The following ITIH1 variants were observed in gnomAD, a reference collection of about 807,000 sequenced individuals.
ITIH1 encodes the protein inter-alpha-trypsin inhibitor heavy chain 1.
ITIH1 carries 94 observed loss-of-function variants against 104.6 expected under a neutral mutation model. The observed-to-expected ratio is 0.90, with a 90% CI of 0.76 to 1.07. The LOEUF is 1.07. ITIH1 is among the 50% of genes least tolerant of loss of function. The pLI is 0.00. For synonymous variants in ITIH1, 455 were observed against 464.4 expected, an observed-to-expected ratio of 0.98 and a Z score of 0.26; for missense variants, 1,193 against 1,181.4, an observed-to-expected ratio of 1.01 and a Z score of -0.14.
chr3:52,778,020 G>A lies in ITIH1; in HGVS notation c.138+3G>A. On this transcript the variant is annotated splice_donor_region_variant and intron_variant, in intron 2 of 21. Coordinates refer to ENST00000273283, the MANE Select transcript of ITIH1 (RefSeq NM_002215.4). The stretch of plus-strand genomic sequence containing the variant: ...AGAAGCGACAGGCTGTGGACACCGT[G>A]AGTAAGAGTCCTGGCAAAGGGGTCT... 2 of 1,614,232 alleles carry A rather than the reference G, an allele frequency of 1.2e-6. No individual in the cohort carries two copies. Among genetic ancestry groups the A allele is most frequent in the Non-Finnish European group, 1.7e-6 (2 of 1,180,032 alleles).
Position 52,790,925 on chromosome 3 carries a change from C to T in ITIH1, c.2494+4C>T, listed in dbSNP as rs779543784. On this transcript the variant is annotated splice_donor_region_variant and intron_variant, in intron 20 of 21. Coordinates refer to ENST00000273283, the MANE Select transcript of ITIH1 (RefSeq NM_002215.4). ...GCCCGGACGCACGGGCTGCTGGGTACGGCTGGCCAGGCTGGCAGGGCTGTG... is the reference window on the plus strand; with the variant it reads ...GCCCGGACGCACGGGCTGCTGGGTATGGCTGGCCAGGCTGGCAGGGCTGTG... The T allele has an allele frequency of 2.0e-5, 32 of 1,592,606 alleles. No homozygotes were observed. The highest frequency in any genetic ancestry group is 1.1e-4 in the Admixed American group (6 of 54,128).
intron 20 of ITIH1, 111 bp downstream of exon 20, chr3:52,791,032 C>G: frequency 8.9e-7 from 1 of 1,128,118 alleles, no homozygotes; most frequent in Non-Finnish European, 1.2e-6. Flanking sequence ...ACAGGCCCAC[C>G]TCCAGTGTGG....
chr3:52,787,536 C>T (rs370758132), intron 15 of ITIH1, 56 bp from the exon 16 acceptor site: 14 of 1,606,964 alleles, frequency 8.7e-6, no homozygotes, highest in Admixed American at 1.7e-5. Context: ...GCATGCCTTT[C>T]GTGTGGGGCA....
At position 52,777,946 on chromosome 3, in the gene ITIH1, G is replaced by A. The variant is rs770072313; in HGVS notation, c.118-51G>A. 9.9e-6 allele frequency: 16 copies of A among 1,611,574 alleles called. No homozygotes were observed. The Admixed American group carries it at 1.5e-4, about 15-fold the overall frequency. On this transcript the variant is annotated intron_variant, in intron 1 of 21. Transcript: ENST00000273283. ...ACTCCCATCCCTGAACTGGCAGGCCGGTGGTCCCCTGAGTTTTCCTCTCAC... is the reference window on the plus strand; with the variant it reads ...ACTCCCATCCCTGAACTGGCAGGCCAGTGGTCCCCTGAGTTTTCCTCTCAC...
At chr3:52,781,212 TTC>T (rs1559461272) in intron 6 of ITIH1, among the ~76,000 whole-genome samples, 200 of 13,904 alleles carry the variant, frequency 0.014, 9 homozygotes, top group African/African-American at 0.024. Context: ...TTTTTTTTTC[TTC>T]TTCTTCTTCT....
Position 52,784,364 on chromosome 3 carries a change from A to G in ITIH1, c.1294A>G (p.Asn432Asp), listed in dbSNP as rs1424177667. ...NAIRGRFPLYNLGFGHNVDFN... is the reference protein window; with the variant it reads ...NAIRGRFPLYDLGFGHNVDFN... The stretch of plus-strand genomic sequence containing the variant: ...CATCCGGGGCAGGTTCCCGCTCTAC[A>G]ACCTGGGTTTCGGCCACAATGTGGA... Residue 432 changes from asparagine to aspartate, a missense_variant, in exon 11 of 22, where the codon AAC (asparagine) becomes GAC (aspartate). By Grantham distance (23) the Asn-to-Asp change is conservative (BLOSUM62 1). Coordinates refer to ENST00000273283, the MANE Select transcript of ITIH1 (RefSeq NM_002215.4). The G allele has an allele frequency of 5.6e-6, 9 of 1,614,028 alleles. No individual in the cohort carries two copies. Among genetic ancestry groups the G allele is most frequent in the East Asian group, 4.5e-5 (2 of 44,892 alleles).
chr3:52,786,678 G>T (rs1175141692), intron 13 of ITIH1, among the ~76,000 whole-genome samples: 3 of 152,194 alleles, frequency 2.0e-5, no homozygotes, highest in Non-Finnish European at 4.4e-5. Flanking sequence ...TAGACCTCTT[G>T]ACCCAGATCT....
chr3:52,782,079 T>C lies in ITIH1; in HGVS notation c.813+14T>C. The C allele has an allele frequency of 6.2e-7, 1 of 1,614,140 alleles. No homozygotes were observed. On this transcript the variant is annotated intron_variant, in intron 7 of 21. Coordinates refer to ENST00000273283, the MANE Select transcript of ITIH1 (RefSeq NM_002215.4). ...TGCGACCTCCTGGTGAGCCCTGAGC[T>C]TCTGGCTCAGCACCCAGAGGATGGG...
chr3:52,783,452 C>T, intron 10 of ITIH1, 113 bp downstream of exon 10: 1 of 1,210,056 alleles, frequency 8.3e-7, no homozygotes. Flanking sequence ...CAGAAAAGCT[C>T]AGGGCAAAAT....
Position 52,780,269 on chromosome 3 carries a change from A to G in ITIH1, c.574A>G (p.Ile192Val). The G allele has an allele frequency of 1.2e-6, 2 of 1,606,044 alleles. No individual in the cohort carries two copies. The highest frequency in any genetic ancestry group is 1.7e-6 in the Non-Finnish European group (2 of 1,174,604). ...KPKQLVHHFE[I>V]DVDIFEPQGI... ...AAAATAATTTGCTTCAATGTTGCAG[A>G]TTGATGTGGACATCTTCGAGCCCCA... is the stretch of plus-strand genomic sequence containing the variant. The change falls in exon 6 of 22, where the codon ATT (isoleucine) becomes GTT (valine). Residue 192 changes from isoleucine to valine, a missense_variant and splice_region_variant. Coordinates refer to ENST00000273283, the MANE Select transcript of ITIH1 (RefSeq NM_002215.4).
intron 19 of ITIH1, 71 bp downstream of exon 19, chr3:52,789,925 A>G: frequency 6.7e-7 from 1 of 1,485,318 alleles, no homozygotes; most frequent in South Asian, 1.1e-5. Flanking sequence ...CTGAGTCTGC[A>G]GGGCCCTCGT....
Position 52,783,340 on chromosome 3 carries a change from G to T in ITIH1, c.1225+1G>T, listed in dbSNP as rs936404717. 6.2e-7 allele frequency: 1 copy of T among 1,613,646 alleles called. No individual in the cohort carries two copies. Among genetic ancestry groups the T allele is most frequent in the South Asian group, 1.1e-5 (1 of 91,036 alleles). On this transcript the variant is annotated splice_donor_variant, in intron 10 of 21. Coordinates refer to ENST00000273283, the MANE Select transcript of ITIH1 (RefSeq NM_002215.4). LOFTEE classifies it high-confidence loss of function. ...TTGACAGATGGCGATCCCACAGAGG[G>T]TAAGCACCTTGGGGGCTGCCTTGGG...
Position 52,791,767 on chromosome 3 carries a change from C to T in ITIH1, c.2607-15C>T. ...TGGTCCGAAGGGTGACCCCAGCTGA[C>T]TTGTCTCTGCACAGGGGTTTGCAAA... On this transcript the variant is annotated splice_polypyrimidine_tract_variant and intron_variant, in intron 21 of 21. Transcript: ENST00000273283. The T allele has an allele frequency of 3.1e-6, 5 of 1,610,282 alleles. No individual in the cohort carries two copies. Among genetic ancestry groups the T allele is most frequent in the Non-Finnish European group, 4.2e-6 (5 of 1,177,884 alleles).
chr3:52,786,914 G>A, intron 13 of ITIH1, 31 bp from the exon 14 acceptor site: 1 of 1,584,652 alleles, frequency 6.3e-7, no homozygotes. Context: ...TGCAAGTCGG[G>A]GCTTGGAGCC....
chr3:52,787,946 TG>T, intron 16 of ITIH1, 39 bp from the exon 17 acceptor site: 1 of 1,582,508 alleles, frequency 6.3e-7, no homozygotes, highest in Non-Finnish European at 8.7e-7. Context: ...AGGGAAGGCC[TG>T]GCTGCCCCGC....
chr3:52,782,884 T>G, intron 8 of ITIH1, 73 bp from the exon 9 acceptor site: 4 of 1,424,900 alleles, frequency 2.8e-6, no homozygotes, highest in Non-Finnish European at 3.9e-6. Flanking sequence ...GAAATGGGTA[T>G]TTGGAGTTGG....
Position 52,791,556 on chromosome 3 carries a change from T to A in ITIH1, c.2534T>A (p.Ile845Asn). ...FHPIGFEVSDIHPGSDPTKPD... is the reference protein window; with the variant it reads ...FHPIGFEVSDNHPGSDPTKPD... ...CCCATCGGTTTTGAAGTGTCTGACA[T>A]CCACCCAGGCTCTGACCCCACAAAG... is the stretch of plus-strand genomic sequence containing the variant. Residue 845 changes from isoleucine to asparagine, a missense_variant, in exon 21 of 22, where the codon ATC (isoleucine) becomes AAC (asparagine). Ile to Asn is a moderately radical substitution (Grantham distance 149). Transcript: ENST00000273283. 1 of 1,614,104 alleles carries A rather than the reference T, an allele frequency of 6.2e-7. No homozygotes were observed. Among genetic ancestry groups the A allele is most frequent in the Non-Finnish European group, 8.5e-7 (1 of 1,180,012 alleles).
Position 52,782,243 on chromosome 3 carries a change from C to T in ITIH1, c.906C>T (p.Ser302=). The T allele has an allele frequency of 6.2e-7, 1 of 1,614,082 alleles. No homozygotes were observed. The highest frequency in any genetic ancestry group is 8.5e-7 in the Non-Finnish European group (1 of 1,179,932). The change falls in exon 8 of 22, where the codon TCC becomes TCT. Residue 302 remains serine, a synonymous_variant. Transcript: ENST00000273283. The part of the protein sequence containing the change: ...NVVFVIDISG[S]MRGQKVKQTK... Reference sequence around the variant, plus strand: ...TTTTTGTGATTGACATCAGTGGCTCCATGAGAGGCCAGAAAGTGAAGCAGG... The same window carrying T: ...TTTTTGTGATTGACATCAGTGGCTCTATGAGAGGCCAGAAAGTGAAGCAGG...
rs1416448369 is a variant in ITIH1, at chr3:52,787,104, A to C, written c.1888+5A>C. On this transcript the variant is annotated splice_donor_5th_base_variant and intron_variant, in intron 14 of 21. Transcript: ENST00000273283. Reference sequence around the variant, plus strand: ...CCATCGACAAGCCCTCAGAGGGTATAGGCTGCAGGGGTCTACAGAAGGGAG... The same window carrying C: ...CCATCGACAAGCCCTCAGAGGGTATCGGCTGCAGGGGTCTACAGAAGGGAG... The C allele has an allele frequency of 6.2e-7, 1 of 1,614,222 alleles. No individual in the cohort carries two copies. The highest frequency in any genetic ancestry group is 1.3e-5 in the African/African-American group (1 of 75,070).
Sources: allele counts gnomAD v4.1 joint callset (sites outside exome capture counted in the v4.1 genomes callset), GRCh38; gene constraint gnomAD v4.1.1; transcripts MANE v1.5; gene names NCBI Gene and HGNC (gene_info 2026-07-23, HGNC 2026-07-21).